HS6ST3: variants seen among roughly 807,000 people sequenced by gnomAD.
HS6ST3 encodes the protein heparan sulfate 6-O-sulfotransferase 3, also known as heparan-sulfate 6-O-sulfotransferase 3.
HS6ST3 carries 12 observed loss-of-function variants against 36.7 expected under a neutral mutation model. That is an observed-to-expected ratio of 0.33 (90% CI 0.21 to 0.53). HS6ST3 has a LOEUF of 0.53. Ranked by LOEUF, HS6ST3 falls within the 20% of genes least tolerant of loss-of-function variation. The pLI, the probability that HS6ST3 is intolerant of heterozygous loss-of-function variation, is 0.95. For synonymous variants in HS6ST3, 240 were observed against 257.5 expected (o/e 0.93, Z 0.65); for missense variants, 584 against 640.9 (o/e 0.91, Z 0.96).
intron 1 of HS6ST3, among the ~76,000 whole-genome samples, chr13:96,491,824 C>A: frequency 6.6e-6 from 1 of 152,232 alleles, no homozygotes; most frequent in East Asian, 1.9e-4. Flanking sequence ...TCTCTCAATT[C>A]CAGCCACTTT....
At chr13:96,678,257 T>C (rs1182958980) in intron 1 of HS6ST3, among the ~76,000 whole-genome samples, 1 of 152,220 alleles carries the variant, frequency 6.6e-6, no homozygotes, top group Non-Finnish European at 1.5e-5. Flanking sequence ...CTTCATGGTC[T>C]ATTCACCTCT....
intron 1 of HS6ST3, among the ~76,000 whole-genome samples, chr13:96,616,981 T>C (rs756109537): frequency 6.6e-5 from 10 of 152,238 alleles, no homozygotes; most frequent in Non-Finnish European, 1.0e-4. Flanking sequence ...TCCGTAAATG[T>C]GTTCAAGAAA....
intron 1 of HS6ST3, among the ~76,000 whole-genome samples, chr13:96,162,562 A>C (rs1204560381): frequency 6.6e-6 from 1 of 152,230 alleles, no homozygotes; most frequent in Non-Finnish European, 1.5e-5. Flanking sequence ...GGTAGGGAAG[A>C]GAAAACACAG....
chr13:96,474,651 C>T (rs1041089116), intron 1 of HS6ST3, among the ~76,000 whole-genome samples: 1 of 152,070 alleles, frequency 6.6e-6, no homozygotes, highest in Non-Finnish European at 1.5e-5. Context: ...ATTCAGCCAC[C>T]TCACTAGGTA....
At chr13:96,422,948 A>G (rs985410327) in intron 1 of HS6ST3, among the ~76,000 whole-genome samples, 2 of 152,234 alleles carry the variant, frequency 1.3e-5, no homozygotes, top group African/African-American at 4.8e-5. Context: ...ACTTTTAAAT[A>G]TGGACATTGA....
At chr13:96,726,125 C>T (rs116819640) in intron 1 of HS6ST3, among the ~76,000 whole-genome samples, 1,711 of 152,244 alleles carry the variant, frequency 0.011, 26 homozygotes, top group African/African-American at 0.039. Context: ...TGTGAGCCAC[C>T]GTGCCCGGCC....
intron 1 of HS6ST3, among the ~76,000 whole-genome samples, chr13:96,681,844 C>T (rs1306555087): frequency 6.6e-6 from 1 of 152,136 alleles, no homozygotes; most frequent in African/African-American, 2.4e-5. Flanking sequence ...TCTCATGCCT[C>T]ATCTAGAAAT....
At position 96,645,053 on chromosome 13, in the gene HS6ST3, G is replaced by A. The variant is rs200413187; in HGVS notation, c.708-187437G>A. On this transcript the variant is annotated intron_variant, in intron 1 of 1. Coordinates refer to ENST00000376705, the MANE Select transcript of HS6ST3 (RefSeq NM_153456.4). ...GATATGCGCCATGAAGAGATTCAGA[G>A]GCCTAATGATTTTTTTTTAAATAAA... 2.6e-5 allele frequency among the ~76,000 whole-genome samples: 4 copies of A among 151,888 alleles called. No homozygotes were observed. In the East Asian group the frequency reaches 7.8e-4, roughly 29 times the overall value.
intron 1 of HS6ST3, among the ~76,000 whole-genome samples, chr13:96,178,627 T>C (rs7338412): frequency 0.95 from 144,324 of 152,120 alleles, 68,562 homozygotes; most frequent in African/African-American, 0.97. Context: ...TACCATTCTG[T>C]GGTGCACTGG....
chr13:96,723,314 A>G (rs561259039), intron 1 of HS6ST3, among the ~76,000 whole-genome samples: 1 of 151,910 alleles, frequency 6.6e-6, no homozygotes, highest in Non-Finnish European at 1.5e-5. Context: ...CGATCCCCAT[A>G]AGGTTCTCCA....
intron 1 of HS6ST3, among the ~76,000 whole-genome samples, chr13:96,179,362 C>T (rs181345017): frequency 4.1e-4 from 62 of 152,310 alleles, no homozygotes; most frequent in Non-Finnish European, 8.8e-4. Context: ...CCTTTTTAGT[C>T]TCTTAGCTGC....
At chr13:96,322,681 T>C (rs1244991735) in intron 1 of HS6ST3, among the ~76,000 whole-genome samples, 1 of 152,238 alleles carries the variant, frequency 6.6e-6, no homozygotes, top group Non-Finnish European at 1.5e-5. Flanking sequence ...ATCTGCTTTC[T>C]CTTAACCACT....
intron 1 of HS6ST3, among the ~76,000 whole-genome samples, chr13:96,166,921 G>C (rs757302676): frequency 2.0e-5 from 3 of 151,876 alleles, no homozygotes; most frequent in Non-Finnish European, 4.4e-5. Context: ...TTTTTAAAGG[G>C]GCTTTTACCC....
At chr13:96,611,291 A>G (rs1305272639) in intron 1 of HS6ST3, among the ~76,000 whole-genome samples, 3 of 151,978 alleles carry the variant, frequency 2.0e-5, no homozygotes, top group African/African-American at 7.2e-5. Context: ...GCAATTAAAA[A>G]TAGACATTTA....
chr13:96,397,314 T>G (rs916070140), intron 1 of HS6ST3, among the ~76,000 whole-genome samples: 1 of 152,242 alleles, frequency 6.6e-6, no homozygotes, highest in Admixed American at 6.5e-5. Flanking sequence ...TGACTTAGCA[T>G]TTATAATGTC....
At chr13:96,151,129 C>A (rs2054082867) in intron 1 of HS6ST3, among the ~76,000 whole-genome samples, 1 of 152,146 alleles carries the variant, frequency 6.6e-6, no homozygotes. Context: ...ACACGCTGGG[C>A]ACCAGGGCTC....
intron 1 of HS6ST3, among the ~76,000 whole-genome samples, chr13:96,109,670 A>G (rs2053858780): frequency 6.6e-6 from 1 of 152,194 alleles, no homozygotes; most frequent in African/African-American, 2.4e-5. Context: ...GTATCAGGGA[A>G]GTCAAAGGGG....
chr13:96,284,910 G>GCTTGCTTGCTTGCTTTCTTT (rs1343778101), intron 1 of HS6ST3, among the ~76,000 whole-genome samples: 57 of 134,674 alleles, frequency 4.2e-4, no homozygotes, highest in Non-Finnish European at 5.8e-4. Flanking sequence ...ATGCATATTT[G>GCTTGCTTGCTTGCTTTCTTT]CTTTCTTTCT....
chr13:96,692,051 T>C (rs898975056), intron 1 of HS6ST3, among the ~76,000 whole-genome samples: 1 of 152,130 alleles, frequency 6.6e-6, no homozygotes, highest in Non-Finnish European at 1.5e-5. Flanking sequence ...AGAGAAAGAC[T>C]AGTCTTAGAA....
Sources: gnomAD v4.1 joint callset for allele counts (sites outside exome capture counted in the v4.1 genomes callset) on GRCh38, gnomAD v4.1.1 for gene constraint, MANE v1.5 for transcripts, NCBI Gene and HGNC (gene_info 2026-07-23, HGNC 2026-07-21) for gene names.